TTC29: variants seen among roughly 807,000 people sequenced by gnomAD.
The protein encoded by TTC29 is tetratricopeptide repeat protein 29.
Under a neutral mutation model 58.1 loss-of-function variants are expected in TTC29, and 49 were observed. The ratio of observed to expected loss-of-function variants is 0.84; its 90% CI spans 0.67 to 1.07. The LOEUF is 1.07. Among genes scored for constraint, TTC29 ranks in the 50% least tolerant of loss-of-function variants. The pLI is 0.00. For missense variants in TTC29, 582 were observed against 555.6 expected, an observed-to-expected ratio of 1.05 and a Z score of -0.48; for synonymous variants, 209 against 196.8, an observed-to-expected ratio of 1.06 and a Z score of -0.52.
chr4:146,803,705 A>C lies in TTC29; in HGVS notation c.1102-20T>G. The C allele has an allele frequency of 6.6e-7, 1 of 1,517,894 alleles. No homozygotes were observed. 94.0% of individuals were successfully genotyped at this position (1,517,894 alleles called of 1,614,324 possible). ...GTATCCCTAAAAAGGTAAGAGAAAT[A>C]ATTTTCTTTCTTACTTTTAATGTCA... On this transcript the variant is annotated intron_variant, in intron 10 of 12. Transcript: ENST00000325106.
At chr4:146,781,593 C>A (rs1334081021) in intron 11 of TTC29, among the ~76,000 whole-genome samples, 3 of 151,962 alleles carry the variant, frequency 2.0e-5, no homozygotes, top group Non-Finnish European at 4.4e-5. Context: ...GAAATATTTA[C>A]TCAACAAAAG....
intron 8 of TTC29, among the ~76,000 whole-genome samples, chr4:146,863,967 A>G (rs943898886): frequency 1.3e-5 from 2 of 152,138 alleles, no homozygotes; most frequent in Non-Finnish European, 2.9e-5. Flanking sequence ...TCAAATGCTA[A>G]TCTTCTCCAG....
intron 9 of TTC29, among the ~76,000 whole-genome samples, chr4:146,821,445 A>G (rs1751815986): frequency 6.6e-6 from 1 of 152,178 alleles, no homozygotes; most frequent in Non-Finnish European, 1.5e-5. Context: ...TTTAAAAAAA[A>G]ACTTTTAAAA....
chr4:146,817,970 C>A (rs1490851450), intron 10 of TTC29, among the ~76,000 whole-genome samples: 1 of 152,034 alleles, frequency 6.6e-6, no homozygotes, highest in African/African-American at 2.4e-5. Context: ...GACCTAAAAC[C>A]ATAAAAACCC....
chr4:146,807,115 G>A (rs1254142568), intron 10 of TTC29, among the ~76,000 whole-genome samples: 1 of 152,160 alleles, frequency 6.6e-6, no homozygotes, highest in Admixed American at 6.5e-5. Flanking sequence ...CATGGAAACT[G>A]AACAACATGC....
chr4:146,816,398 G>A (rs1751410131), intron 10 of TTC29, among the ~76,000 whole-genome samples: 1 of 152,098 alleles, frequency 6.6e-6, no homozygotes. Flanking sequence ...GGAGAGAGGA[G>A]TCAATAAAGG....
At position 146,707,041 on chromosome 4, in the gene TTC29, T is replaced by C; in HGVS notation, c.*117A>G. 1.3e-5 allele frequency: 9 copies of C among 672,144 alleles called. No individual in the cohort carries two copies. Among genetic ancestry groups the C allele is most frequent in the Non-Finnish European group, 1.8e-5 (8 of 445,560 alleles). The allele number at this position is 672,144 out of a possible 1,614,324, so 41.6% of individuals were successfully genotyped here. A position where few individuals can be genotyped will look rare whatever the true frequency, so the allele number is the denominator to read the frequency against. On this transcript the variant is annotated 3_prime_UTR_variant, in exon 13 of 13. Transcript: ENST00000325106. ...GAAATGCAAAATCCAATGAAAAGAG[T>C]CATAGTCCGTTTTATTATAACTCTA...
intron 11 of TTC29, among the ~76,000 whole-genome samples, chr4:146,762,891 C>A (rs544336600): frequency 1.3e-5 from 2 of 151,850 alleles, no homozygotes; most frequent in African/African-American, 2.4e-5. Context: ...ATGTGACAAC[C>A]CAAACAAAGC....
chr4:146,798,346 T>C (rs1020133526), intron 11 of TTC29, among the ~76,000 whole-genome samples: 12 of 152,036 alleles, frequency 7.9e-5, no homozygotes, highest in Non-Finnish European at 1.3e-4. Flanking sequence ...TGAATTAAAG[T>C]CTTCAGATAA....
At chr4:146,910,706 C>T (rs915592373) in intron 4 of TTC29, among the ~76,000 whole-genome samples, 2 of 152,128 alleles carry the variant, frequency 1.3e-5, no homozygotes, top group East Asian at 1.9e-4. Context: ...CCCAGCTGAA[C>T]CGCAACCTTC....
chr4:146,797,662 C>A (rs1384827306), intron 11 of TTC29, among the ~76,000 whole-genome samples: 1 of 151,646 alleles, frequency 6.6e-6, no homozygotes, highest in East Asian at 1.9e-4. Context: ...CTCACCCTGG[C>A]TGCTTTAACA....
chr4:146,851,253 G>A (rs1195706033), intron 8 of TTC29, among the ~76,000 whole-genome samples: 1 of 152,178 alleles, frequency 6.6e-6, no homozygotes, highest in Non-Finnish European at 1.5e-5. Flanking sequence ...AGATGCTAGA[G>A]TAATCTTCAT....
intron 4 of TTC29, among the ~76,000 whole-genome samples, chr4:146,930,419 C>T (rs950982753): frequency 7.2e-5 from 11 of 152,072 alleles, no homozygotes; most frequent in African/African-American, 2.4e-4. Flanking sequence ...CCAGAAAAGT[C>T]CCTGGTCTGG....
chr4:146,729,175 G>A (rs1459195114), intron 11 of TTC29, among the ~76,000 whole-genome samples: 1 of 151,832 alleles, frequency 6.6e-6, no homozygotes, highest in African/African-American at 2.4e-5. Context: ...AATAATATGT[G>A]GGAGATCTTG....
intron 11 of TTC29, among the ~76,000 whole-genome samples, chr4:146,748,433 AC>A (rs1176590317): frequency 6.6e-6 from 1 of 152,154 alleles, no homozygotes; most frequent in Non-Finnish European, 1.5e-5. Context: ...AAACACCTGT[AC>A]CCTGGAACCC....
At chr4:146,775,289 A>C (rs1748006579) in intron 11 of TTC29, among the ~76,000 whole-genome samples, 1 of 152,090 alleles carries the variant, frequency 6.6e-6, no homozygotes, top group Non-Finnish European at 1.5e-5. Flanking sequence ...TCCTGTGATC[A>C]TTTTGTTGGC....
intron 11 of TTC29, among the ~76,000 whole-genome samples, chr4:146,719,803 C>T (rs1483195996): frequency 6.6e-6 from 1 of 151,938 alleles, no homozygotes; most frequent in Admixed American, 6.6e-5. Flanking sequence ...TTGATTCAAC[C>T]CCTAATGGAT....
At chr4:146,729,019 G>A (rs76754829) in intron 11 of TTC29, among the ~76,000 whole-genome samples, 3 of 151,254 alleles carry the variant, frequency 2.0e-5, no homozygotes, top group African/African-American at 7.3e-5. Flanking sequence ...GGCACATAGG[G>A]ATATATTATA....
intron 6 of TTC29, among the ~76,000 whole-genome samples, chr4:146,886,150 G>T (rs904303816): frequency 1.3e-5 from 2 of 151,976 alleles, no homozygotes; most frequent in Admixed American, 6.6e-5. Context: ...CTGCTGTAAT[G>T]TCTGATAATC....
Sources: allele counts gnomAD v4.1 joint callset (sites outside exome capture counted in the v4.1 genomes callset), GRCh38; gene constraint gnomAD v4.1.1; transcripts MANE v1.5; gene names NCBI Gene and HGNC (gene_info 2026-07-23, HGNC 2026-07-21).